PDZD2: variants seen among roughly 807,000 people sequenced by gnomAD.
PDZD2 encodes PDZ domain-containing protein 2.
Under a neutral mutation model 220.7 loss-of-function variants are expected in PDZD2, and 90 were observed. The ratio of observed to expected loss-of-function variants is 0.41; its 90% confidence interval spans 0.34 to 0.49. PDZD2 has a LOEUF of 0.49. PDZD2 is among the 20% of genes least tolerant of loss of function. The pLI is 0.28. For synonymous variants in PDZD2, 1,375 were observed against 1,450.5 expected (o/e 0.95, Z 1.18); for missense variants, 3,174 against 3,608.5 (o/e 0.88, Z 3.08).
intron 3 of PDZD2, among the ~76,000 whole-genome samples, chr5:31,987,052 G>T (rs1429814938): frequency 6.6e-6 from 1 of 151,862 alleles, no homozygotes; most frequent in Non-Finnish European, 1.5e-5. Context: ...AATCTCCTAG[G>T]ACATAGACAA....
At chr5:31,930,471 T>A (rs1745182046) in intron 2 of PDZD2, among the ~76,000 whole-genome samples, 1 of 151,992 alleles carries the variant, frequency 6.6e-6, no homozygotes, top group African/African-American at 2.4e-5. Flanking sequence ...AGTGCTGGGA[T>A]TACAGGCGTG....
intron 7 of PDZD2, among the ~76,000 whole-genome samples, chr5:32,046,047 A>G (rs1212639114): frequency 1.3e-5 from 2 of 152,220 alleles, no homozygotes; most frequent in Non-Finnish European, 2.9e-5. Flanking sequence ...GTATATACAC[A>G]CAAACACATA....
chr5:32,098,696 T>C lies in PDZD2; in HGVS notation c.8218+62T>C. The C allele has an allele frequency of 6.8e-7, 1 of 1,471,690 alleles. No individual in the cohort carries two copies. The highest frequency in any genetic ancestry group is 9.2e-7 in the Non-Finnish European group (1 of 1,086,198). The allele number at this position is 1,471,690 out of a possible 1,614,324, so 91.2% of individuals were successfully genotyped here. A position where few individuals can be genotyped will look rare whatever the true frequency, so the allele number is the denominator to read the frequency against. ...CTACTGCAGAAAGAGGAGATTCTGG[T>C]TGAACATGAAGGAAAATAACAGCTA... On this transcript the variant is annotated intron_variant, in intron 23 of 24. Coordinates refer to ENST00000438447, the MANE Select transcript of PDZD2 (RefSeq NM_178140.4). This position sits in a 1 kb window ranked among gnomAD's most constrained non-coding sequence, Gnocchi z 4.1.
chr5:31,737,235 C>T (rs1168623630), intron 1 of PDZD2, among the ~76,000 whole-genome samples: 11 of 145,724 alleles, frequency 7.5e-5, no homozygotes, highest in Admixed American at 1.4e-4. Context: ...TGCAGTGGCG[C>T]CATCTCGGCT....
At chr5:31,917,916 T>C (rs1241866963) in intron 2 of PDZD2, among the ~76,000 whole-genome samples, 1 of 152,066 alleles carries the variant, frequency 6.6e-6, no homozygotes, top group East Asian at 1.9e-4. Flanking sequence ...ATTTTGTATT[T>C]TTAGTAGAGA....
At chr5:31,903,577 G>T (rs1372058937) in intron 2 of PDZD2, among the ~76,000 whole-genome samples, 3 of 140,866 alleles carry the variant, frequency 2.1e-5, no homozygotes, top group Non-Finnish European at 4.5e-5. Flanking sequence ...GAGCCTGAGA[G>T]ATGATGCAGT....
chr5:32,087,487 T>A lies in PDZD2; in HGVS notation c.4039T>A (p.Ser1347Thr), dbSNP rs756822783. The change falls in exon 20 of 25, where the codon TCC (serine) becomes ACC (threonine). Residue 1347 changes from serine to threonine, a missense_variant. Around this residue, in one of 4 missense-constraint regions of PDZD2, gnomAD observed 1,861 missense variants for 2,001.0 expected, o/e 0.93. Transcript: ENST00000438447. This position sits in a 1 kb window ranked among gnomAD's most constrained non-coding sequence, Gnocchi z 4.0. Reference sequence around the variant, plus strand: ...TGTCCTGCCAGGAGACCCCCTCACATCCCAGGAGCAGAGACAGGGAGCTCC... The same window carrying A: ...TGTCCTGCCAGGAGACCCCCTCACAACCCAGGAGCAGAGACAGGGAGCTCC... ...GAVLPGDPLT[S>T]QEQRQGAPGN... 1.2e-6 allele frequency: 2 copies of A among 1,613,384 alleles called. No homozygotes were observed. The highest frequency in any genetic ancestry group is 1.3e-5 in the African/African-American group (1 of 75,006).
rs1007068914 is a variant in PDZD2, at chr5:32,109,432, T to C, written c.*1297T>C. The C allele has an allele frequency of 1.3e-5, 2 of 152,216 alleles. No individual in the cohort carries two copies. Among genetic ancestry groups the C allele is most frequent in the African/African-American group, 4.8e-5 (2 of 41,458 alleles). 9.4% of individuals were successfully genotyped at this position (152,216 alleles called of 1,614,324 possible). On this transcript the variant is annotated 3_prime_UTR_variant, in exon 25 of 25. Transcript: ENST00000438447. Reference sequence around the variant, plus strand: ...TCTGGCCACTCCTCCTCTGGTGGCATGAGCTGCTTCCCAGTAGCTATTCCG... The same window carrying C: ...TCTGGCCACTCCTCCTCTGGTGGCACGAGCTGCTTCCCAGTAGCTATTCCG...
At chr5:32,028,175 A>G (rs1338677306) in intron 6 of PDZD2, among the ~76,000 whole-genome samples, 1 of 152,158 alleles carries the variant, frequency 6.6e-6, no homozygotes, top group Admixed American at 6.5e-5. Context: ...CACGCTTTGC[A>G]TGGTTTGTTC....
At chr5:31,647,745 TGAG>T (rs1333368427) in intron 1 of PDZD2, among the ~76,000 whole-genome samples, 1 of 152,208 alleles carries the variant, frequency 6.6e-6, no homozygotes, top group Non-Finnish European at 1.5e-5. Flanking sequence ...TTTTGCCAAA[TGAG>T]GACACATTTG....
chr5:31,984,823 G>A (rs1168973896), intron 3 of PDZD2, among the ~76,000 whole-genome samples: 1 of 152,112 alleles, frequency 6.6e-6, no homozygotes, highest in Non-Finnish European at 1.5e-5. Flanking sequence ...GCAATACCCT[G>A]TCTCAAAACA....
intron 2 of PDZD2, among the ~76,000 whole-genome samples, chr5:31,974,192 G>C (rs1749547952): frequency 6.6e-6 from 1 of 152,064 alleles, no homozygotes; most frequent in African/African-American, 2.4e-5. Flanking sequence ...TGTTGACCGG[G>C]CTGGTCTCTA....
At chr5:32,100,513 C>T (rs2111676815) in intron 23 of PDZD2, 1 of 296,260 alleles carries the variant, frequency 3.4e-6, no homozygotes, top group Non-Finnish European at 6.6e-6. Flanking sequence ...GTAGAGGCAG[C>T]GAGTGTGTTT....
chr5:32,044,053 G>T (rs1219565479), intron 7 of PDZD2, among the ~76,000 whole-genome samples: 2 of 152,122 alleles, frequency 1.3e-5, no homozygotes, highest in African/African-American at 4.8e-5. Flanking sequence ...TCTAGGCTGG[G>T]CTTGGTGGCT....
At chr5:31,926,803 C>T (rs917772977) in intron 2 of PDZD2, among the ~76,000 whole-genome samples, 2 of 152,104 alleles carry the variant, frequency 1.3e-5, no homozygotes, top group African/African-American at 4.8e-5. Flanking sequence ...AATGGCAAAG[C>T]CATGGAATGA....
chr5:32,086,415 T>C (rs753853630), intron 19 of PDZD2, among the ~76,000 whole-genome samples: 5 of 152,162 alleles, frequency 3.3e-5, no homozygotes, highest in Non-Finnish European at 7.3e-5. Flanking sequence ...TGTGCAATGA[T>C]TAAATCAGGG....
At chr5:31,721,335 A>G (rs1748777090) in intron 1 of PDZD2, among the ~76,000 whole-genome samples, 1 of 152,274 alleles carries the variant, frequency 6.6e-6, no homozygotes, top group East Asian at 1.9e-4. Context: ...AACTGCCTGG[A>G]AAGTGCTCAG....
At chr5:31,904,420 A>C (rs189135524) in intron 2 of PDZD2, among the ~76,000 whole-genome samples, 1 of 152,376 alleles carries the variant, frequency 6.6e-6, no homozygotes, top group Admixed American at 6.5e-5. Context: ...ATTTATAAAC[A>C]TTCCAATACA....
intron 1 of PDZD2, among the ~76,000 whole-genome samples, chr5:31,689,957 T>G (rs186106806): frequency 6.6e-6 from 1 of 152,274 alleles, no homozygotes; most frequent in Non-Finnish European, 1.5e-5. Flanking sequence ...ATGTGAGCTA[T>G]CTGGCGCTGG....
Sources: allele counts gnomAD v4.1 joint callset (sites outside exome capture counted in the v4.1 genomes callset), GRCh38; gene constraint gnomAD v4.1.1; regional missense constraint gnomAD v4.1.1; non-coding constraint Gnocchi (gnomAD v3.1); transcripts MANE v1.5; gene names NCBI Gene and HGNC (gene_info 2026-07-23, HGNC 2026-07-21).